NDST1: variants seen among roughly 807,000 people sequenced by gnomAD.
NDST1 encodes N-deacetylase and N-sulfotransferase 1.
NDST1 carries 35 observed loss-of-function variants against 92.8 expected under a neutral mutation model. That is an observed-to-expected ratio of 0.38 (90% CI 0.29 to 0.50). The LOEUF is 0.50. Among genes scored for constraint, NDST1 ranks in the 20% least tolerant of loss-of-function variants. NDST1 has a pLI of 0.94. For missense variants in NDST1, 822 were observed against 1,182.7 expected (o/e 0.69, Z 4.47); for synonymous variants, 493 against 500.3 (o/e 0.99, Z 0.19).
chr5:150,540,251 A>G lies in NDST1; in HGVS notation c.1736A>G (p.Asp579Gly), dbSNP rs763682889. The G allele has an allele frequency of 2.9e-5, 46 of 1,607,378 alleles. No individual in the cohort carries two copies. Among genetic ancestry groups the G allele is most frequent in the Non-Finnish European group, 3.9e-5 (46 of 1,175,428 alleles). Reference sequence around the variant, plus strand: ...TTCCAGATCTTCTCCGAGGAGAAGGACCCGCTCTGGCAGGTGGGGGGCTGG... The same window carrying G: ...TTCCAGATCTTCTCCGAGGAGAAGGGCCCGCTCTGGCAGGTGGGGGGCTGG... ...KYFQIFSEEKDPLWQDPCEDK... is the reference protein window; with the variant it reads ...KYFQIFSEEKGPLWQDPCEDK... The change falls in exon 8 of 15, where the codon GAC becomes GGC. Residue 579 changes from aspartate (D) to glycine (G), a missense_variant. By Grantham distance (94) the Asp-to-Gly change is moderately conservative (BLOSUM62 -1). Coordinates refer to ENST00000261797, the MANE Select transcript of NDST1 (RefSeq NM_001543.5).
Position 150,553,567 on chromosome 5 carries a change from G to T in NDST1, c.*235G>T, listed in dbSNP as rs778497952. ...TCCCTCGCCAGCAGAGGTCCATTCC[G>T]TTCCCAGCTGCTCCTGGGGAGGCCG... On this transcript the variant is annotated 3_prime_UTR_variant, in exon 15 of 15. Coordinates refer to ENST00000261797, the MANE Select transcript of NDST1 (RefSeq NM_001543.5). This position sits in a 1 kb window ranked among gnomAD's most constrained non-coding sequence, Gnocchi z 4.2. The T allele has an allele frequency of 4.0e-5, 21 of 529,052 alleles. No individual in the cohort carries two copies. The highest frequency in any genetic ancestry group is 7.6e-5 in the East Asian group (2 of 26,348). 32.8% of individuals were successfully genotyped at this position (529,052 alleles called of 1,614,324 possible).
intron 14 of NDST1, 32 bp downstream of exon 14, chr5:150,551,887 G>C (rs746970785): frequency 8.7e-6 from 14 of 1,609,608 alleles, no homozygotes; most frequent in Non-Finnish European, 1.2e-5. Flanking sequence ...TGTAGCACCT[G>C]CATAAGGGTA....
intron 1 of NDST1, among the ~76,000 whole-genome samples, chr5:150,498,919 C>T (rs1561583368): frequency 6.6e-6 from 1 of 152,184 alleles, no homozygotes; most frequent in Admixed American, 6.5e-5. Flanking sequence ...CTTGGTCCAG[C>T]CTGCCAGGTT....
chr5:150,539,418 C>G, intron 7 of NDST1, 62 bp downstream of exon 7: 1 of 1,611,224 alleles, frequency 6.2e-7, no homozygotes. Flanking sequence ...CTGTCTGCAG[C>G]TGACACAGGC....
chr5:150,554,282 T>G lies in NDST1; in HGVS notation c.*950T>G. The G allele has an allele frequency of 2.8e-6, 1 of 352,304 alleles. No individual in the cohort carries two copies. Among genetic ancestry groups the G allele is most frequent in the Non-Finnish European group, 5.0e-6 (1 of 199,222 alleles). 21.8% of individuals were successfully genotyped at this position (352,304 alleles called of 1,614,324 possible). ...AGCTAAAATATTTTAATATTTTGTT[T>G]TTTTTTTTCTTGGTGCCAGAGTTTA... is the stretch of plus-strand genomic sequence containing the variant. On this transcript the variant is annotated 3_prime_UTR_variant, in exon 15 of 15. Transcript: ENST00000261797.
rs1272512162 is a variant in NDST1 at position 150,521,342 on chromosome 5, A to C, written c.88A>C (p.Ser30Arg). 1 of 1,613,402 alleles carries C rather than the reference A, an allele frequency of 6.2e-7. No homozygotes were observed. The highest frequency in any genetic ancestry group is 8.5e-7 in the Non-Finnish European group (1 of 1,179,876). Residue 30 changes from serine (S) to arginine (R), a missense_variant, in exon 2 of 15, where the codon AGC (serine) becomes CGC (arginine). Coordinates refer to ENST00000261797, the MANE Select transcript of NDST1 (RefSeq NM_001543.5). The surrounding 1 kb of genome is among the most constrained non-coding windows in gnomAD (Gnocchi z 5.9). Reference protein sequence around the residue: ...LFLLFIFCLFSVFISAYYLYG... With the variant: ...LFLLFIFCLFRVFISAYYLYG... ...CCTGCTGTTCATCTTCTGCCTGTTC[A>C]GCGTTTTCATCTCGGCCTACTACCT...
chr5:150,548,460 A>G (rs1312578683), intron 12 of NDST1, 72 bp downstream of exon 12: 6 of 1,534,570 alleles, frequency 3.9e-6, no homozygotes, highest in Non-Finnish European at 5.3e-6. Context: ...AGAGCCTCCA[A>G]CTCTTTCTCA....
intron 2 of NDST1, among the ~76,000 whole-genome samples, chr5:150,524,985 C>T (rs554268768): frequency 2.0e-5 from 3 of 152,328 alleles, no homozygotes; most frequent in Admixed American, 2.0e-4. Flanking sequence ...TGACAGGGAG[C>T]CTGAGGCTCA....
intron 12 of NDST1, 143 bp from the exon 13 acceptor site, chr5:150,549,535 G>C: frequency 1.4e-6 from 1 of 689,816 alleles, no homozygotes; most frequent in Non-Finnish European, 2.7e-6. Context: ...GGGGATACCT[G>C]CCCTTCAACA....
intron 1 of NDST1, among the ~76,000 whole-genome samples, chr5:150,512,552 C>T (rs765307531): frequency 3.9e-5 from 6 of 152,220 alleles, no homozygotes; most frequent in Non-Finnish European, 7.3e-5. Context: ...AGAAAGATCT[C>T]GAACCTCCTT....
At chr5:150,527,653 G>A (rs1429687928) in intron 2 of NDST1, 151 bp from the exon 3 acceptor site, 9 of 1,074,062 alleles carry the variant, frequency 8.4e-6, no homozygotes, top group Non-Finnish European at 9.4e-6. Flanking sequence ...ATATTATTGT[G>A]CAGGGTGGAG....
At chr5:150,508,528 G>C (rs1330269194) in intron 1 of NDST1, among the ~76,000 whole-genome samples, 2 of 152,212 alleles carry the variant, frequency 1.3e-5, no homozygotes, top group Admixed American at 6.5e-5. Context: ...GAAGGGCTCA[G>C]TTTCTCCTGT....
chr5:150,504,056 C>T (rs993652791), upstream of NDST1, among the ~76,000 whole-genome samples: 1 of 152,060 alleles, frequency 6.6e-6, no homozygotes, highest in Non-Finnish European at 1.5e-5. Flanking sequence ...CCAGCAGAGC[C>T]GTGGAGAGGT....
intron 5 of NDST1, 36 bp from the exon 6 acceptor site, chr5:150,535,664 C>G (rs1418165415): frequency 6.2e-7 from 1 of 1,612,340 alleles, no homozygotes; most frequent in South Asian, 1.1e-5. Flanking sequence ...GGGAAGGACC[C>G]CTATGCTCAC....
rs879304175 is a variant in NDST1 at position 150,535,942 on chromosome 5, G to T, written c.1437+57G>T. 1.3e-5 allele frequency: 21 copies of T among 1,565,232 alleles called. No individual in the cohort carries two copies. In the Admixed American group the frequency reaches 3.4e-4, roughly 26 times the overall value. On this transcript the variant is annotated intron_variant, in intron 6 of 14. Coordinates refer to ENST00000261797, the MANE Select transcript of NDST1 (RefSeq NM_001543.5). Reference sequence around the variant, plus strand: ...GAGAATGGAGAGCACAGTCTGTCATGTGTGTGCATACGCTGTCCTGGTAAG... The same window carrying T: ...GAGAATGGAGAGCACAGTCTGTCATTTGTGTGCATACGCTGTCCTGGTAAG...
chr5:150,533,146 G>T (rs2151285786), intron 4 of NDST1, 114 bp downstream of exon 4: 1 of 1,053,688 alleles, frequency 9.5e-7, no homozygotes. Context: ...CACATTAGAG[G>T]CAGAGGTGAC....
chr5:150,533,417 GC>G (rs1203701700), intron 4 of NDST1, among the ~76,000 whole-genome samples: 1 of 152,250 alleles, frequency 6.6e-6, no homozygotes, highest in Non-Finnish European at 1.5e-5. Context: ...AAGTGAAGAT[GC>G]CCTGTAATTG....
intron 4 of NDST1, 81 bp from the exon 5 acceptor site, chr5:150,534,786 C>T: frequency 1.3e-6 from 2 of 1,576,860 alleles, no homozygotes; most frequent in Non-Finnish European, 1.7e-6. Flanking sequence ...TCTGGCCATG[C>T]TCTCCCATCC....
chr5:150,513,904 C>T (rs929944794), intron 1 of NDST1, among the ~76,000 whole-genome samples: 1 of 152,234 alleles, frequency 6.6e-6, no homozygotes, highest in African/African-American at 2.4e-5. Flanking sequence ...CCACGGTTAC[C>T]GTGGTATTTC....
Sources: allele counts gnomAD v4.1 joint callset (sites outside exome capture counted in the v4.1 genomes callset), GRCh38; gene constraint gnomAD v4.1.1; non-coding constraint Gnocchi (gnomAD v3.1); transcripts MANE v1.5; gene names NCBI Gene and HGNC (gene_info 2026-07-23, HGNC 2026-07-21).